Variants in ACSM6 observed in about 807,000 individuals in gnomAD.
ACSM6 encodes acyl-coenzyme A synthetase ACSM6, mitochondrial.
A neutral mutation model predicts 51.1 loss-of-function variants in ACSM6; 35 were observed. The ratio of observed to expected loss-of-function variants is 0.69; its 90% CI spans 0.52 to 0.91. The LOEUF (loss-of-function observed/expected upper bound fraction) is 0.91, where lower values mean the gene tolerates loss of function less well. Among genes scored for constraint, ACSM6 ranks in the 40% least tolerant of loss-of-function variants. The pLI is 0.00. For synonymous variants in ACSM6, 172 were observed against 207.3 expected, an observed-to-expected ratio of 0.83 and a Z score of 1.46; for missense variants, 509 against 584.1, an observed-to-expected ratio of 0.87 and a Z score of 1.32.
chr10:95,212,875 C>T, exon 7 of ACSM6: 1 of 1,613,602 alleles, frequency 6.2e-7, no homozygotes, highest in Non-Finnish European at 8.5e-7. Flanking sequence ...CCAGATTTCC[C>T]ATCACCACTC....
At chr10:95,216,419 G>A (rs539819476) in intron 8 of ACSM6, among the ~76,000 whole-genome samples, 30 of 152,260 alleles carry the variant, frequency 2.0e-4, no homozygotes, top group African/African-American at 6.7e-4. Context: ...GGAAGAGACT[G>A]GGGGTAGAAC....
intron 4 of ACSM6, among the ~76,000 whole-genome samples, chr10:95,208,832 C>T (rs1252000875): frequency 6.9e-6 from 1 of 145,114 alleles, no homozygotes; most frequent in Non-Finnish European, 1.5e-5. Context: ...CACTGAGGGT[C>T]TTGGGACACA....
At chr10:95,199,870 G>A (rs2034774771) in intron 2 of ACSM6, among the ~76,000 whole-genome samples, 1 of 152,216 alleles carries the variant, frequency 6.6e-6, no homozygotes, top group Non-Finnish European at 1.5e-5. Flanking sequence ...TGGAGAGGAT[G>A]TGGAGAAATA....
chr10:95,194,733 G>T (rs147411988), intron 2 of ACSM6, 56 bp downstream of exon 2: 1 of 1,444,390 alleles, frequency 6.9e-7, no homozygotes, highest in Non-Finnish European at 9.4e-7. Flanking sequence ...TTGGTAAAGC[G>T]TCCAAAGATC....
chr10:95,212,654 A>G (rs2034904392), intron 6 of ACSM6, among the ~76,000 whole-genome samples: 1 of 152,196 alleles, frequency 6.6e-6, no homozygotes, highest in Non-Finnish European at 1.5e-5. Flanking sequence ...GATAGCTCCT[A>G]TGTTCACAGA....
intron 2 of ACSM6, among the ~76,000 whole-genome samples, chr10:95,199,113 A>G (rs2034765341): frequency 1.3e-5 from 2 of 152,374 alleles, no homozygotes; most frequent in East Asian, 3.8e-4. Flanking sequence ...CTACAAGGCT[A>G]TAGTAACCAA....
chr10:95,202,274 TAG>T (rs1410782999), intron 3 of ACSM6, 79 bp downstream of exon 3: 49 of 1,240,278 alleles, frequency 4.0e-5, no homozygotes, highest in Non-Finnish European at 3.0e-5. Context: ...ATGGAGATGT[TAG>T]AGGGATCTCT....
Position 95,194,684 on chromosome 10 carries a change from CTTG to C in ACSM6, c.192+13_192+15del. ...GTGGTCCCAGCTGGAAAAGGTAAAA[CTTG>C]TTGTTTTCTACCTTGGAAACTTTGG... is the stretch of plus-strand genomic sequence containing the variant. On this transcript the variant is annotated splice_region_variant and intron_variant, in intron 2 of 10. Transcript: ENST00000341686. 4 of 1,550,140 alleles carry C rather than the reference CTTG, an allele frequency of 2.6e-6. No homozygotes were observed. Among genetic ancestry groups the C allele is most frequent in the South Asian group, 1.2e-5 (1 of 83,796 alleles).
rs2034785099 is a variant in ACSM6, at chr10:95,200,607, A to AGGAGAC, written c.193-1373_193-1372insCGGAGA. On this transcript the variant is annotated intron_variant, in intron 2 of 10. Transcript: ENST00000341686. Reference sequence around the variant, plus strand: ...TGAAGAAAGAAGAAGAAGAAGGAGAAGGAGAAGGAGAAGAAGAAGAAGACT... The same window carrying AGGAGAC: ...TGAAGAAAGAAGAAGAAGAAGGAGAAGGAGACGGAGAAGGAGAAGAAGAAGAAGACT... Among the ~76,000 whole-genome samples, 7 of 106,286 alleles carry AGGAGAC rather than the reference A, an allele frequency of 6.6e-5. No individual in the cohort carries two copies. In the South Asian group the frequency reaches 2.0e-3, roughly 30 times the overall value. The allele number at this position is 106,286 out of a possible 152,430, so 69.7% of individuals were successfully genotyped here.
intron 8 of ACSM6, among the ~76,000 whole-genome samples, chr10:95,218,968 A>G (rs1207185572): frequency 6.6e-6 from 1 of 152,206 alleles, no homozygotes; most frequent in Non-Finnish European, 1.5e-5. Context: ...AAAAATAACT[A>G]TGTAGAAGAC....
chr10:95,210,799 G>T lies in ACSM6; in HGVS notation c.755+6G>T. The T allele has an allele frequency of 3.7e-6, 6 of 1,613,240 alleles. No homozygotes were observed. The highest frequency in any genetic ancestry group is 5.1e-6 in the Non-Finnish European group (6 of 1,179,474). The stretch of plus-strand genomic sequence containing the variant: ...GGATTCAGCCAGGCTTCCAGGTACG[G>T]TTCTCGCACAGCCTGTACAGGCCTG... On this transcript the variant is annotated splice_donor_region_variant and intron_variant, in intron 5 of 10. Coordinates refer to ENST00000341686, the Ensembl canonical transcript of ACSM6.
chr10:95,212,917 GC>G lies in ACSM6; in HGVS notation c.973del (p.Leu325PhefsTer14). ...CAAATCCAGAGATGTACCAGGAACT[GC>G]TTCAGCACAAGTGTTTCACCAGGTA... On this transcript the variant is annotated frameshift_variant, in exon 7 of 11. Coordinates refer to ENST00000341686, the Ensembl canonical transcript of ACSM6. LOFTEE classifies it high-confidence loss of function. 6.2e-7 allele frequency: 1 copy of G among 1,612,620 alleles called. No individual in the cohort carries two copies. The highest frequency in any genetic ancestry group is 8.5e-7 in the Non-Finnish European group (1 of 1,178,648).
chr10:95,218,917 A>G (rs1175184038), intron 8 of ACSM6, among the ~76,000 whole-genome samples: 5 of 152,256 alleles, frequency 3.3e-5, no homozygotes, highest in African/African-American at 4.8e-5. Context: ...ACAAGAAAAT[A>G]TTAAGTCTCT....
rs200460983 is a variant in ACSM6, at chr10:95,210,743, G to T, written c.705G>T (p.Met235Ile). Reference sequence around the variant, plus strand: ...AGGGTACAACAGGAGCTCCCAAAATGGTCGAGTATTCCCAGTATGGTTTGG... The same window carrying T: ...AGGGTACAACAGGAGCTCCCAAAATTGTCGAGTATTCCCAGTATGGTTTGG... The change falls in exon 5 of 11, where the codon ATG becomes ATT. Residue 235 changes from methionine to isoleucine, a missense_variant. By Grantham distance (10) the Met-to-Ile change is conservative. Transcript: ENST00000341686. 917 of 1,614,002 alleles carry T rather than the reference G, an allele frequency of 5.7e-4. 9 individuals carry two copies. The South Asian group carries it at 9.3e-3, about 16-fold the overall frequency.
rs1285789570 is a variant in ACSM6 at position 95,225,394 on chromosome 10, A to G, written c.1302+3A>G. ...CTTCTCTGTACTGTCCACACATGGT[A>G]AGAAAATTTTCTTCTTTCCTAAATA... On this transcript the variant is annotated splice_donor_region_variant and intron_variant, in intron 10 of 10. Transcript: ENST00000341686. 14 of 1,519,946 alleles carry G rather than the reference A, an allele frequency of 9.2e-6. No homozygotes were observed. Among genetic ancestry groups the G allele is most frequent in the Non-Finnish European group, 1.2e-5 (14 of 1,128,658 alleles). 94.2% of individuals were successfully genotyped at this position (1,519,946 alleles called of 1,614,324 possible).
At chr10:95,203,297 T>A (rs892802498) in intron 3 of ACSM6, among the ~76,000 whole-genome samples, 4 of 152,090 alleles carry the variant, frequency 2.6e-5, no homozygotes, top group Non-Finnish European at 5.9e-5. Flanking sequence ...AGCTCAGGGC[T>A]CCCATTGACT....
chr10:95,228,429 A>G, intron 10 of ACSM6: 1 of 451,528 alleles, frequency 2.2e-6, no homozygotes, highest in Non-Finnish European at 3.8e-6. Context: ...TCTTGTTTCT[A>G]GCTGGGACAA....
chr10:95,199,692 G>T (rs1439188099), intron 2 of ACSM6, among the ~76,000 whole-genome samples: 1 of 152,068 alleles, frequency 6.6e-6, no homozygotes, highest in South Asian at 2.1e-4. Context: ...GTGGGCAAAG[G>T]ATATGAACAG....
At chr10:95,200,788 T>C (rs188543195) in intron 2 of ACSM6, among the ~76,000 whole-genome samples, 76 of 127,392 alleles carry the variant, frequency 6.0e-4, no homozygotes, top group African/African-American at 2.1e-3. Flanking sequence ...AAAGGAGGGA[T>C]GGGGAAAGAG....
Sources: gnomAD v4.1 joint callset for allele counts (sites outside exome capture counted in the v4.1 genomes callset) on GRCh38, gnomAD v4.1.1 for gene constraint, MANE v1.5 for transcripts, NCBI Gene and HGNC (gene_info 2026-07-23, HGNC 2026-07-21) for gene names.